The following KIF26B variants were observed in gnomAD, a reference collection of about 807,000 sequenced individuals.
The protein encoded by KIF26B is kinesin-like protein KIF26B.
Under a neutral mutation model 151.2 loss-of-function variants are expected in KIF26B, and 63 were observed. The ratio of observed to expected loss-of-function variants is 0.42; its 90% CI spans 0.34 to 0.51. The LOEUF (loss-of-function observed/expected upper bound fraction) is 0.51. KIF26B is among the 20% of genes least tolerant of loss of function. The pLI is 0.07. For synonymous variants in KIF26B, 1,357 were observed against 1,262.1 expected, an observed-to-expected ratio of 1.08 and a Z score of -1.59; for missense variants, 2,813 against 2,913.6, an observed-to-expected ratio of 0.97 and a Z score of 0.79.
At position 245,502,517 on chromosome 1, in the gene KIF26B, A is replaced by G. The variant is rs567622300; in HGVS notation, c.1167-38250A>G. 1.0e-4 allele frequency among the ~76,000 whole-genome samples: 13 copies of G among 130,492 alleles called. No homozygotes were observed. The East Asian group carries it at 2.8e-3, about 28-fold the overall frequency. The allele number at this position is 130,492 out of a possible 152,430, so 85.6% of individuals were successfully genotyped here. A position where few individuals can be genotyped will look rare whatever the true frequency, so the allele number is the denominator to read the frequency against. ...ACTCCAACCTGGCAACAGAGCGAGC[A>G]AGATTCTGTCTCAAAAAAAAAAAAA... On this transcript the variant is annotated intron_variant, in intron 4 of 14. Transcript: ENST00000407071.
In KIF26B at chr1:245,241,802, A is replaced by C. The variant is rs1670214947; in HGVS notation, c.465+85119A>C. On this transcript the variant is annotated intron_variant, in intron 2 of 14. Coordinates refer to ENST00000407071, the MANE Select transcript of KIF26B (RefSeq NM_018012.4). This position sits in a 1 kb window ranked among gnomAD's most constrained non-coding sequence, Gnocchi z 5.0. ...TGGGTGCAGCCTCTGGAAGGTCTGG[A>C]AGGTGCTTGCTTTGGGGACTCGGCC... 6.6e-6 allele frequency among the ~76,000 whole-genome samples: 1 copy of C among 152,144 alleles called. No homozygotes were observed. The highest frequency in any genetic ancestry group is 6.5e-5 in the Admixed American group (1 of 15,278).
At chr1:245,539,623 C>T (rs1056940642) in intron 4 of KIF26B, among the ~76,000 whole-genome samples, 4 of 152,164 alleles carry the variant, frequency 2.6e-5, no homozygotes, top group African/African-American at 9.7e-5. Context: ...CTGTTTTCTT[C>T]TTCTTTTCTG....
intron 3 of KIF26B, among the ~76,000 whole-genome samples, chr1:245,412,786 G>A (rs1484343661): frequency 6.6e-6 from 1 of 152,164 alleles, no homozygotes; most frequent in East Asian, 1.9e-4. Context: ...AAAATAGAAG[G>A]AGAAGCTTTA....
At chr1:245,410,907 G>A (rs1034988863) in intron 3 of KIF26B, among the ~76,000 whole-genome samples, 3 of 147,486 alleles carry the variant, frequency 2.0e-5, no homozygotes, top group African/African-American at 7.4e-5. Flanking sequence ...CTCTGCCCCC[G>A]TTAACAATAA....
rs961267113 is a variant in KIF26B at position 245,657,761 on chromosome 1, C to T, written c.2258+11481C>T. ...TCATTCAATCAATAGTTACCAAGAACATACCCTACTCCAGTACTGTACTGG... is the reference window on the plus strand; with the variant it reads ...TCATTCAATCAATAGTTACCAAGAATATACCCTACTCCAGTACTGTACTGG... On this transcript the variant is annotated intron_variant, in intron 10 of 14. Coordinates refer to ENST00000407071, the MANE Select transcript of KIF26B (RefSeq NM_018012.4). 9.2e-5 allele frequency among the ~76,000 whole-genome samples: 14 copies of T among 152,146 alleles called. 2 individuals are homozygous for T. Among genetic ancestry groups the T allele is most frequent in the Admixed American group, 9.2e-4 (14 of 15,278 alleles).
intron 9 of KIF26B, among the ~76,000 whole-genome samples, chr1:245,625,064 G>T: frequency 6.6e-6 from 1 of 152,034 alleles, no homozygotes; most frequent in African/African-American, 2.4e-5. Flanking sequence ...TCAAGGATTA[G>T]TTGGCCATAT....
At chr1:245,207,590 C>CCGGT (rs1669432801) in intron 2 of KIF26B, among the ~76,000 whole-genome samples, 1 of 152,194 alleles carries the variant, frequency 6.6e-6, no homozygotes, top group Non-Finnish European at 1.5e-5. Context: ...TCTTCATACT[C>CCGGT]CCTAAGGACC....
chr1:245,459,145 A>G (rs1212494628), intron 4 of KIF26B, among the ~76,000 whole-genome samples: 10 of 152,216 alleles, frequency 6.6e-5, no homozygotes, highest in African/African-American at 9.7e-5. Context: ...CTTCAGCAGG[A>G]ATGCATTTCT....
rs145060271 is a variant in KIF26B at position 245,224,454 on chromosome 1, C to T, written c.465+67771C>T. Among the ~76,000 whole-genome samples, 277 of 152,348 alleles carry T rather than the reference C, an allele frequency of 1.8e-3. 1 individual carries two copies. The highest frequency in any genetic ancestry group is 6.4e-3 in the African/African-American group (266 of 41,574). On this transcript the variant is annotated intron_variant, in intron 2 of 14. Coordinates refer to ENST00000407071, the MANE Select transcript of KIF26B (RefSeq NM_018012.4). ...GGAACACCATTTTTACCTGGAAGAG[C>T]AACTGACCAACTACAGTTATTCAGG...
intron 2 of KIF26B, among the ~76,000 whole-genome samples, chr1:245,288,133 G>A (rs1194395259): frequency 6.6e-6 from 1 of 152,038 alleles, no homozygotes; most frequent in Non-Finnish European, 1.5e-5. Flanking sequence ...ATTCCTGGAA[G>A]AACTTTTGTA....
chr1:245,345,413 G>A (rs2102997855), intron 2 of KIF26B, among the ~76,000 whole-genome samples: 1 of 152,274 alleles, frequency 6.6e-6, no homozygotes, highest in Admixed American at 6.5e-5. Context: ...GCTGAGACTC[G>A]GAAAATCCTC....
intron 3 of KIF26B, among the ~76,000 whole-genome samples, chr1:245,405,508 A>C (rs1674114199): frequency 6.6e-6 from 1 of 152,202 alleles, no homozygotes; most frequent in Admixed American, 6.5e-5. Flanking sequence ...AAGGTCCCAC[A>C]GCTGGTCATT....
intron 4 of KIF26B, among the ~76,000 whole-genome samples, chr1:245,466,341 T>A (rs1238489687): frequency 1.3e-5 from 2 of 152,210 alleles, no homozygotes; most frequent in Non-Finnish European, 2.9e-5. Context: ...TTCTTGTTTC[T>A]CTGTCTCAAG....
intron 2 of KIF26B, among the ~76,000 whole-genome samples, chr1:245,220,404 C>T (rs1390834267): frequency 6.3e-5 from 7 of 110,340 alleles, no homozygotes; most frequent in Admixed American, 2.2e-4. Context: ...AGTGACCAGA[C>T]GATGGAGTCC....
chr1:245,552,401 C>T (rs1400417575), intron 5 of KIF26B, among the ~76,000 whole-genome samples: 3 of 150,722 alleles, frequency 2.0e-5, no homozygotes, highest in Admixed American at 2.0e-4. Flanking sequence ...TACTCAAACT[C>T]AGCTGATTTA....
intron 2 of KIF26B, among the ~76,000 whole-genome samples, chr1:245,360,636 T>A (rs1404250836): frequency 2.0e-5 from 3 of 152,202 alleles, no homozygotes; most frequent in Non-Finnish European, 4.4e-5. Context: ...GAAGCAGGAC[T>A]TGAACCTCCC....
intron 2 of KIF26B, among the ~76,000 whole-genome samples, chr1:245,250,498 G>C (rs949971954): frequency 1.3e-5 from 2 of 152,106 alleles, no homozygotes; most frequent in African/African-American, 2.4e-5. Context: ...CTTCATACCT[G>C]TCTTGGTCAT....
chr1:245,675,735 A>G (rs1179205068), intron 10 of KIF26B, among the ~76,000 whole-genome samples: 1 of 152,032 alleles, frequency 6.6e-6, no homozygotes, highest in Non-Finnish European at 1.5e-5. Flanking sequence ...GCATTTCTTA[A>G]TAAGAGCACT....
intron 5 of KIF26B, among the ~76,000 whole-genome samples, chr1:245,553,059 C>T (rs1414709779): frequency 6.6e-6 from 1 of 152,148 alleles, no homozygotes; most frequent in Non-Finnish European, 1.5e-5. Context: ...GGGGTGACAC[C>T]ATATGTTTGT....
Sources: gnomAD v4.1 joint callset for allele counts (sites outside exome capture counted in the v4.1 genomes callset) on GRCh38, gnomAD v4.1.1 for gene constraint, Gnocchi (gnomAD v3.1) non-coding constraint, MANE v1.5 for transcripts, NCBI Gene and HGNC (gene_info 2026-07-23, HGNC 2026-07-21) for gene names.